The following AGBL1 variants were observed in gnomAD, a reference collection of about 807,000 sequenced individuals.
AGBL1 encodes the protein AGBL carboxypeptidase 1.
AGBL1 carries 130 observed loss-of-function variants against 118.9 expected under a neutral mutation model. The ratio of observed to expected loss-of-function variants is 1.09; its 90% CI spans 0.95 to 1.26. The LOEUF is 1.26. Ranked by LOEUF, AGBL1 falls within the 50% of genes most tolerant of loss-of-function variation. AGBL1 has a pLI of 0.00. For synonymous variants in AGBL1, 555 were observed against 478.9 expected (o/e 1.16, Z -2.08); for missense variants, 1,584 against 1,298.1 (o/e 1.22, Z -3.38).
At chr15:86,833,549 C>G (rs2079134618) in intron 22 of AGBL1, among the ~76,000 whole-genome samples, 1 of 152,102 alleles carries the variant, frequency 6.6e-6, no homozygotes, top group Non-Finnish European at 1.5e-5. Context: ...CCTTCCCAGC[C>G]ATATGGAACT....
At chr15:86,864,642 C>G (rs2079600662) in intron 22 of AGBL1, among the ~76,000 whole-genome samples, 1 of 152,148 alleles carries the variant, frequency 6.6e-6, no homozygotes, top group East Asian at 1.9e-4. Context: ...TAAGCTCCAT[C>G]TTAACTACAA....
chr15:86,476,536 C>T (rs1186565290), intron 18 of AGBL1, among the ~76,000 whole-genome samples: 1 of 152,134 alleles, frequency 6.6e-6, no homozygotes, highest in African/African-American at 2.4e-5. Flanking sequence ...GCTAACCATC[C>T]TAAATATATA....
chr15:86,254,294 C>T (rs1428415946), intron 7 of AGBL1, among the ~76,000 whole-genome samples: 1 of 152,174 alleles, frequency 6.6e-6, no homozygotes, highest in African/African-American at 2.4e-5. Flanking sequence ...TCACACACAA[C>T]ATTAGGAGAG....
At chr15:86,746,261 T>G (rs1259482192) in intron 22 of AGBL1, among the ~76,000 whole-genome samples, 1 of 152,148 alleles carries the variant, frequency 6.6e-6, no homozygotes, top group Non-Finnish European at 1.5e-5. Flanking sequence ...AATGGTTGTT[T>G]CTTGTTCTGT....
Position 86,546,222 on chromosome 15 carries a change from T to C in AGBL1, c.2817+89T>C, listed in dbSNP as rs1233124003. 10 of 639,026 alleles carry C rather than the reference T, an allele frequency of 1.6e-5. No homozygotes were observed. The Admixed American group carries it at 2.1e-4, about 14-fold the overall frequency. The allele number at this position is 639,026 out of a possible 1,614,324, so 39.6% of individuals were successfully genotyped here. A position where few individuals can be genotyped will look rare whatever the true frequency, so the allele number is the denominator to read the frequency against. ...GACCATGCCCCACTCATTTATTTAGTTTTTTTTTTTTTTTGTAAATAAGCA... is the reference window on the plus strand; with the variant it reads ...GACCATGCCCCACTCATTTATTTAGCTTTTTTTTTTTTTTGTAAATAAGCA... On this transcript the variant is annotated intron_variant, in intron 20 of 22. Coordinates refer to ENST00000614907, the MANE Select transcript of AGBL1 (RefSeq NM_001386094.1).
At chr15:86,502,105 T>C (rs902464501) in intron 18 of AGBL1, among the ~76,000 whole-genome samples, 1 of 151,622 alleles carries the variant, frequency 6.6e-6, no homozygotes, top group African/African-American at 2.4e-5. Flanking sequence ...AAGTGCTCTT[T>C]AATTTCTTTC....
chr15:86,744,122 G>T (rs777684519), intron 22 of AGBL1, among the ~76,000 whole-genome samples: 1 of 152,050 alleles, frequency 6.6e-6, no homozygotes, highest in East Asian at 1.9e-4. Context: ...TGAAATGGGA[G>T]ATTCAACTCT....
intron 1 of AGBL1, among the ~76,000 whole-genome samples, chr15:86,118,392 T>C (rs1342897686): frequency 6.6e-6 from 1 of 152,112 alleles, no homozygotes; most frequent in African/African-American, 2.4e-5. Context: ...CAAAATGCTG[T>C]CTTTGCAAGA....
chr15:86,155,036 G>C (rs183592365), intron 4 of AGBL1, among the ~76,000 whole-genome samples: 1 of 151,782 alleles, frequency 6.6e-6, no homozygotes, highest in Non-Finnish European at 1.5e-5. Context: ...TTCTCAACAG[G>C]GTCCTCCAGG....
chr15:86,231,553 A>G (rs1469279993), intron 6 of AGBL1, among the ~76,000 whole-genome samples: 1 of 152,264 alleles, frequency 6.6e-6, no homozygotes, highest in Non-Finnish European at 1.5e-5. Context: ...ATAGCAAGCT[A>G]TATCCATCAC....
In AGBL1 at chr15:86,701,517, A is replaced by C. The variant is rs181948814; in HGVS notation, c.3158+27081A>C. 1.8e-3 allele frequency among the ~76,000 whole-genome samples: 267 copies of C among 152,296 alleles called. 4 individuals are homozygous for C. The East Asian group carries it at 0.022, about 12-fold the overall frequency. On this transcript the variant is annotated intron_variant, in intron 22 of 22. Coordinates refer to ENST00000614907, the MANE Select transcript of AGBL1 (RefSeq NM_001386094.1). ...GTAAATCAAGATTAAATTGTGAAAC[A>C]ATAAGAGGCTTATACTCAAAGGTTA...
intron 18 of AGBL1, among the ~76,000 whole-genome samples, chr15:86,402,905 A>G (rs2081469231): frequency 6.6e-6 from 1 of 152,234 alleles, no homozygotes; most frequent in Non-Finnish European, 1.5e-5. Flanking sequence ...ACAAACAAAC[A>G]AACATTTTGT....
chr15:86,110,251 T>C (rs891411963), intron 1 of AGBL1, among the ~76,000 whole-genome samples: 1 of 152,194 alleles, frequency 6.6e-6, no homozygotes, highest in African/African-American at 2.4e-5. Flanking sequence ...AGAAAATCCA[T>C]GTATAAGTTT....
At chr15:86,710,885 T>C (rs2086544349) in intron 22 of AGBL1, among the ~76,000 whole-genome samples, 1 of 152,194 alleles carries the variant, frequency 6.6e-6, no homozygotes, top group African/African-American at 2.4e-5. Context: ...TCACAGTCTT[T>C]GAAACCTCAA....
chr15:86,749,971 C>CT (rs1326614899), intron 22 of AGBL1, among the ~76,000 whole-genome samples: 2 of 152,182 alleles, frequency 1.3e-5, no homozygotes, highest in African/African-American at 4.8e-5. Flanking sequence ...CTAAAATTCT[C>CT]TTTTTTTGTT....
At chr15:86,566,727 A>T (rs2083921975) in intron 21 of AGBL1, among the ~76,000 whole-genome samples, 1 of 152,268 alleles carries the variant, frequency 6.6e-6, no homozygotes, top group South Asian at 2.1e-4. Context: ...ACACACACAC[A>T]CAGATTCTTT....
At chr15:86,196,870 C>CGCGCGCGT (rs939797270) in intron 5 of AGBL1, among the ~76,000 whole-genome samples, 50 of 88,584 alleles carry the variant, frequency 5.6e-4, no homozygotes, top group African/African-American at 2.7e-3. Context: ...TGCACATGTG[C>CGCGCGCGT]GCGCGCGCGC....
In AGBL1 at chr15:86,108,320, T is replaced by A. The variant is rs527696488; in HGVS notation, c.51+28297T>A. Among the ~76,000 whole-genome samples, 3 of 152,314 alleles carry A rather than the reference T, an allele frequency of 2.0e-5. No homozygotes were observed. In the South Asian group the frequency reaches 6.2e-4, roughly 32 times the overall value. On this transcript the variant is annotated intron_variant, in intron 1 of 22. Transcript: ENST00000614907. ...GTGAGATGATTTTGAGTGTCTTCTG[T>A]TTAAGGGCATGGGGAATTTCTCTTC...
At chr15:86,546,171 T>A in intron 20 of AGBL1, 38 bp downstream of exon 20, 1 of 1,574,376 alleles carries the variant, frequency 6.4e-7, no homozygotes, top group Non-Finnish European at 8.7e-7. Flanking sequence ...ACATGCTGTG[T>A]TCATATTCTT....
Sources: gnomAD v4.1 joint callset for allele counts (sites outside exome capture counted in the v4.1 genomes callset) on GRCh38, gnomAD v4.1.1 for gene constraint, MANE v1.5 for transcripts, NCBI Gene and HGNC (gene_info 2026-07-23, HGNC 2026-07-21) for gene names.